Variants in AKAP6 observed in about 807,000 individuals in gnomAD.
The protein encoded by AKAP6 is A-kinase anchoring protein 6, also known as A-kinase anchor protein 6.
Under a neutral mutation model 188.5 loss-of-function variants are expected in AKAP6, and 58 were observed. That is an observed-to-expected ratio of 0.31 (90% CI 0.25 to 0.38). AKAP6 has a LOEUF of 0.38. AKAP6 is among the 10% of genes least tolerant of loss of function. AKAP6 has a pLI of 1.00. For synonymous variants in AKAP6, 989 were observed against 998.6 expected (o/e 0.99, Z 0.18); for missense variants, 2,710 against 2,740.0 (o/e 0.99, Z 0.24).
At chr14:32,705,509 C>T (rs1890777515) in intron 9 of AKAP6, among the ~76,000 whole-genome samples, 1 of 152,044 alleles carries the variant, frequency 6.6e-6, no homozygotes, top group Admixed American at 6.6e-5. Flanking sequence ...GAGAAAGAAA[C>T]TTATCAAATA....
chr14:32,544,686 G>T (rs1168963485), intron 3 of AKAP6, among the ~76,000 whole-genome samples: 1 of 152,084 alleles, frequency 6.6e-6, no homozygotes, highest in Non-Finnish European at 1.5e-5. Context: ...TTATGTATTT[G>T]CAAATTCAGT....
At chr14:32,602,818 G>GCTA (rs1430216563) in intron 7 of AKAP6, among the ~76,000 whole-genome samples, 5 of 152,182 alleles carry the variant, frequency 3.3e-5, no homozygotes, top group African/African-American at 1.2e-4. Flanking sequence ...TCGCACAGCT[G>GCTA]CTAAGTAGCA....
chr14:32,596,806 T>A (rs1490907806), intron 5 of AKAP6, among the ~76,000 whole-genome samples: 4 of 152,188 alleles, frequency 2.6e-5, no homozygotes, highest in Non-Finnish European at 5.9e-5. Context: ...TAAAACCCTT[T>A]CATCCAAGCT....
chr14:32,731,958 C>A (rs566026744), intron 9 of AKAP6, among the ~76,000 whole-genome samples: 3 of 151,834 alleles, frequency 2.0e-5, no homozygotes, highest in Non-Finnish European at 4.4e-5. Flanking sequence ...ATATATGTAC[C>A]TTTTCTCCAA....
intron 7 of AKAP6, among the ~76,000 whole-genome samples, chr14:32,623,521 A>G (rs72642563): frequency 0.086 from 13,080 of 152,190 alleles, 1,241 homozygotes; most frequent in East Asian, 0.53. Context: ...TGAGTCACCT[A>G]AAATGAATAT....
chr14:32,683,507 T>G (rs890947762), intron 8 of AKAP6, among the ~76,000 whole-genome samples: 1 of 152,214 alleles, frequency 6.6e-6, no homozygotes, highest in Non-Finnish European at 1.5e-5. Flanking sequence ...AAAACAGGAA[T>G]ACTTGGATTC....
At chr14:32,560,453 C>T (rs1883906539) in intron 4 of AKAP6, among the ~76,000 whole-genome samples, 1 of 152,144 alleles carries the variant, frequency 6.6e-6, no homozygotes, top group African/African-American at 2.4e-5. Flanking sequence ...GATGATTTAG[C>T]ACCACCGTGA....
intron 9 of AKAP6, chr14:32,726,327 G>A (rs1283842951): frequency 1.9e-6 from 1 of 524,408 alleles, no homozygotes; most frequent in African/African-American, 2.1e-5. Context: ...TTCTGTAAAA[G>A]GTTGCTTGGT....
At chr14:32,660,376 A>C (rs1956203) in intron 7 of AKAP6, among the ~76,000 whole-genome samples, 101,551 of 151,980 alleles carry the variant, frequency 0.67, 35,350 homozygotes, top group East Asian at 0.94. Flanking sequence ...AGCAAAAAGA[A>C]ATTGAGAACA....
intron 12 of AKAP6, among the ~76,000 whole-genome samples, chr14:32,813,400 C>T (rs1381817084): frequency 8.0e-6 from 1 of 124,728 alleles, no homozygotes; most frequent in Admixed American, 8.1e-5. Flanking sequence ...CCCCCCCCCC[C>T]AACCCCTTTC....
chr14:32,569,948 A>T (rs1594751305), intron 4 of AKAP6, among the ~76,000 whole-genome samples: 2 of 152,120 alleles, frequency 1.3e-5, no homozygotes, highest in East Asian at 3.9e-4. Context: ...GAGAAACGTG[A>T]TGCCCTCCAG....
At chr14:32,600,536 T>G (rs1412529652) in intron 6 of AKAP6, 93 bp from the exon 7 acceptor site, 7 of 1,283,070 alleles carry the variant, frequency 5.5e-6, no homozygotes, top group Non-Finnish European at 6.3e-6. Context: ...ATATTTATAT[T>G]GTTTAAAATA....
At chr14:32,564,169 A>C (rs1401600250) in intron 4 of AKAP6, among the ~76,000 whole-genome samples, 1 of 152,346 alleles carries the variant, frequency 6.6e-6, no homozygotes, top group East Asian at 1.9e-4. Context: ...TGTTTAGAGA[A>C]TAATGACAAG....
chr14:32,362,565 T>C (rs139096325), intron 1 of AKAP6, among the ~76,000 whole-genome samples: 68 of 152,056 alleles, frequency 4.5e-4, no homozygotes, highest in African/African-American at 1.6e-3. Context: ...AGACTAGTGG[T>C]AGTGGGGTTT....
At chr14:32,693,049 T>C (rs1284543600) in intron 8 of AKAP6, among the ~76,000 whole-genome samples, 1 of 152,212 alleles carries the variant, frequency 6.6e-6, no homozygotes, top group African/African-American at 2.4e-5. Flanking sequence ...CAAGATGACA[T>C]CTGAGCATAT....
intron 12 of AKAP6, among the ~76,000 whole-genome samples, chr14:32,780,157 C>CATATATATATATATATATATATAT (rs59506546): frequency 0.015 from 1,731 of 118,280 alleles, 47 homozygotes; most frequent in East Asian, 0.028. Context: ...AAAAAAAAAA[C>CATATATATATATATATATATATAT]ATATATATAT....
intron 2 of AKAP6, among the ~76,000 whole-genome samples, chr14:32,485,773 A>G (rs934105047): frequency 3.9e-5 from 6 of 151,952 alleles, no homozygotes; most frequent in Non-Finnish European, 7.4e-5. Flanking sequence ...TTGCCTGTTC[A>G]CTCTGATGAT....
At chr14:32,430,001 T>A (rs1013442457) in intron 1 of AKAP6, among the ~76,000 whole-genome samples, 1 of 152,222 alleles carries the variant, frequency 6.6e-6, no homozygotes, top group Non-Finnish European at 1.5e-5. Context: ...GAATCTCCCA[T>A]GTTTGTTCCT....
chr14:32,554,876 A>T (rs1325914242), intron 4 of AKAP6, among the ~76,000 whole-genome samples: 1 of 152,202 alleles, frequency 6.6e-6, no homozygotes, highest in African/African-American at 2.4e-5. Context: ...TCCTGCTGCC[A>T]TTAAATTCTC....
Sources: gnomAD v4.1 joint callset for allele counts (sites outside exome capture counted in the v4.1 genomes callset) on GRCh38, gnomAD v4.1.1 for gene constraint, MANE v1.5 for transcripts, NCBI Gene and HGNC (gene_info 2026-07-23, HGNC 2026-07-21) for gene names.